The following PRKD3 variants were observed in gnomAD, a reference collection of about 807,000 sequenced individuals.
The protein encoded by PRKD3 is protein kinase D3, also known as serine/threonine-protein kinase D3.
PRKD3 carries 47 observed loss-of-function variants against 99.2 expected under a neutral mutation model. The ratio of observed to expected loss-of-function variants is 0.47; its 90% confidence interval spans 0.38 to 0.60. PRKD3 has a LOEUF of 0.60. Among genes scored for constraint, PRKD3 ranks in the 20% least tolerant of loss-of-function variants. The probability of loss-of-function intolerance (pLI) is 0.00; values close to 1 mark genes in which losing one functional copy is unlikely to be tolerated. For missense variants in PRKD3, 1,019 were observed against 1,088.4 expected (o/e 0.94, Z 0.90); for synonymous variants, 392 against 355.4 (o/e 1.10, Z -1.16).
intron 14 of PRKD3, among the ~76,000 whole-genome samples, chr2:37,266,632 A>G (rs1056071929): frequency 2.6e-5 from 4 of 152,000 alleles, no homozygotes; most frequent in African/African-American, 9.7e-5. Flanking sequence ...GATTATGGGC[A>G]TGCGCCACCG....
rs1672053873 is a variant in PRKD3, at chr2:37,324,776, GCCCGCCTCCGGCGCCCCTTCCTCCCT to G, written c.-777_-752del. The G allele has an allele frequency of 6.6e-6, 1 of 150,964 alleles. No homozygotes were observed. The highest frequency in any genetic ancestry group is 2.4e-5 in the African/African-American group (1 of 41,276). The allele number at this position is 150,964 out of a possible 1,614,324, so 9.4% of individuals were successfully genotyped here. A position where few individuals can be genotyped will look rare whatever the true frequency, so the allele number is the denominator to read the frequency against. ...GGCTTCACGCGCCTCGCAGGATCCC[GCCCGCCTCCGGCGCCCCTTCCTCCCT>G]CCCTCCCCGTCCCGTCCTGGGGCCG... On this transcript the variant is annotated 5_prime_UTR_variant, in exon 1 of 19. Coordinates refer to ENST00000234179, the MANE Select transcript of PRKD3 (RefSeq NM_005813.6).
chr2:37,307,704 T>C (rs979128472), intron 2 of PRKD3, among the ~76,000 whole-genome samples: 2 of 152,166 alleles, frequency 1.3e-5, no homozygotes, highest in Non-Finnish European at 2.9e-5. Context: ...AAAAGGAAGC[T>C]AAGTTTTGGC....
At chr2:37,314,124 G>C (rs1486618841) in intron 2 of PRKD3, among the ~76,000 whole-genome samples, 1 of 152,042 alleles carries the variant, frequency 6.6e-6, no homozygotes, top group African/African-American at 2.4e-5. Flanking sequence ...AAAGATAAGA[G>C]AAAGTAGAAA....
chr2:37,260,580 G>A (rs10176949), intron 14 of PRKD3, among the ~76,000 whole-genome samples, 196 bp from the exon 15 acceptor site: 50,812 of 151,982 alleles, frequency 0.33, 9,417 homozygotes, highest in East Asian at 0.43. Flanking sequence ...GAGAGTAGCC[G>A]CACTGAGGGG....
At chr2:37,256,983 A>C in intron 16 of PRKD3, 54 bp from the exon 17 acceptor site, 1 of 1,571,124 alleles carries the variant, frequency 6.4e-7, no homozygotes. Context: ...ATATGTAACT[A>C]CCTGTCCCTA....
chr2:37,302,460 C>A (rs975348427), intron 2 of PRKD3, among the ~76,000 whole-genome samples: 3 of 152,126 alleles, frequency 2.0e-5, no homozygotes, highest in Admixed American at 2.0e-4. Flanking sequence ...CCATTTTAGA[C>A]GTTATTTTTT....
At chr2:37,272,984 T>TGGGGGGGAGG (rs1669369110) in intron 11 of PRKD3, among the ~76,000 whole-genome samples, 2 of 43,732 alleles carry the variant, frequency 4.6e-5, no homozygotes, top group Admixed American at 4.5e-4. Flanking sequence ...TGTCTCTTGG[T>TGGGGGGGAGG]GGGGGGAGGG....
rs750704028 is a variant in PRKD3 at position 37,316,268 on chromosome 2, T to C, written c.257A>G (p.Lys86Arg). ...ATAAACTATGGAGCACACAAGATCC[T>C]TGACAGCAGATAAAGACAGTTCCTG... is the stretch of plus-strand genomic sequence containing the variant. ...EAQELSLSAV[K>R]DLVCSIVYQK... Residue 86 changes from lysine to arginine, a missense_variant, in exon 2 of 19, where the codon AAG becomes AGG. Physicochemically the swap from Lys to Arg is conservative, Grantham distance 26. Coordinates refer to ENST00000234179, the MANE Select transcript of PRKD3 (RefSeq NM_005813.6). 3.1e-6 allele frequency: 5 copies of C among 1,614,024 alleles called. No individual in the cohort carries two copies. The highest frequency in any genetic ancestry group is 3.4e-6 in the Non-Finnish European group (4 of 1,179,962).
intron 10 of PRKD3, among the ~76,000 whole-genome samples, chr2:37,274,969 A>C (rs1040819486): frequency 7.9e-5 from 12 of 152,354 alleles, no homozygotes; most frequent in African/African-American, 2.9e-4. Context: ...GTAATCTGCC[A>C]CTATATCCAA....
intron 14 of PRKD3, among the ~76,000 whole-genome samples, chr2:37,264,757 A>C (rs1668718978): frequency 6.6e-6 from 1 of 151,952 alleles, no homozygotes; most frequent in African/African-American, 2.4e-5. Context: ...AAAAAAAAAG[A>C]CTCAATTTGT....
chr2:37,290,348 C>A (rs993598353), intron 4 of PRKD3, among the ~76,000 whole-genome samples: 1 of 152,052 alleles, frequency 6.6e-6, no homozygotes, highest in African/African-American at 2.4e-5. Flanking sequence ...TTCTCCTGCC[C>A]CAGCCTCCCG....
At chr2:37,289,541 A>G in intron 4 of PRKD3, 28 bp from the exon 5 acceptor site, 2 of 1,533,994 alleles carry the variant, frequency 1.3e-6, no homozygotes, top group South Asian at 2.5e-5. Context: ...GGTAAAATAT[A>G]AGATTTAAAA....
chr2:37,288,194 T>G (rs1196777820), intron 5 of PRKD3, among the ~76,000 whole-genome samples: 2 of 152,220 alleles, frequency 1.3e-5, no homozygotes, highest in African/African-American at 4.8e-5. Context: ...TTGACATACC[T>G]CTATTCTACT....
chr2:37,271,291 C>A (rs1014594082), intron 12 of PRKD3, among the ~76,000 whole-genome samples: 2 of 152,068 alleles, frequency 1.3e-5, no homozygotes, highest in Non-Finnish European at 2.9e-5. Context: ...CCTGTTGCCT[C>A]TTTTTTGTAT....
At chr2:37,304,719 G>A (rs1447293877) in intron 2 of PRKD3, among the ~76,000 whole-genome samples, 4 of 148,588 alleles carry the variant, frequency 2.7e-5, no homozygotes, top group African/African-American at 1.0e-4. Context: ...TCCAGCCTGG[G>A]TGAAAGCAAA....
intron 2 of PRKD3, 46 bp downstream of exon 2, chr2:37,316,190 AC>A (rs1305733221): frequency 6.7e-7 from 1 of 1,497,748 alleles, no homozygotes; most frequent in Non-Finnish European, 9.2e-7. Flanking sequence ...TTATAGAAAA[AC>A]ATCAGTAACA....
intron 1 of PRKD3, chr2:37,324,372 C>A: frequency 3.7e-6 from 1 of 267,630 alleles, no homozygotes; most frequent in Non-Finnish European, 5.7e-6. Context: ...ACCCAAGTTG[C>A]CCTCCGCGCG....
At chr2:37,296,899 CA>C (rs748730644) in intron 2 of PRKD3, among the ~76,000 whole-genome samples, 688 of 48,104 alleles carry the variant, frequency 0.014, 2 homozygotes, top group South Asian at 0.084. Flanking sequence ...GACTCTGTCT[CA>C]AAAAAAAAAA....
At chr2:37,264,942 T>C (rs1236667139) in intron 14 of PRKD3, among the ~76,000 whole-genome samples, 1 of 152,220 alleles carries the variant, frequency 6.6e-6, no homozygotes, top group East Asian at 1.9e-4. Context: ...AGGTCACTTC[T>C]AAATCAGTGA....
Sources: gnomAD v4.1 joint callset for allele counts (sites outside exome capture counted in the v4.1 genomes callset) on GRCh38, gnomAD v4.1.1 for gene constraint, MANE v1.5 for transcripts, NCBI Gene and HGNC (gene_info 2026-07-23, HGNC 2026-07-21) for gene names.